SRGAP2C: variants seen among roughly 807,000 people sequenced by gnomAD.
SRGAP2C encodes SLIT-ROBO Rho GTPase-activating protein 2C.
In SRGAP2C, 15 loss-of-function variants were observed where a neutral mutation model predicts 25.1. The observed-to-expected ratio is 0.60, with a 90% CI of 0.40 to 0.92. The LOEUF (loss-of-function observed/expected upper bound fraction) is 0.92. SRGAP2C is among the 40% of genes least tolerant of loss of function. The pLI, the probability that SRGAP2C is intolerant of heterozygous loss-of-function variation, is 0.00. For synonymous variants in SRGAP2C, 44 were observed against 96.6 expected, an observed-to-expected ratio of 0.46 and a Z score of 3.19; for missense variants, 144 against 264.4, an observed-to-expected ratio of 0.54 and a Z score of 3.16.
intron 2 of SRGAP2C, among the ~76,000 whole-genome samples, chr1:121,224,004 G>A (rs587706823): frequency 1.3e-5 from 2 of 152,010 alleles, no homozygotes; most frequent in South Asian, 2.1e-4. Flanking sequence ...AGGCCGCTTG[G>A]CCTCTAAGTC....
chr1:121,208,183 G>A (rs587761019), intron 2 of SRGAP2C, among the ~76,000 whole-genome samples: 1 of 152,322 alleles, frequency 6.6e-6, no homozygotes, highest in Admixed American at 6.5e-5. Context: ...ACAGAAGAAA[G>A]TGGACCATCT....
At chr1:121,370,651 A>AG (rs1659461488) in intron 5 of SRGAP2C, among the ~76,000 whole-genome samples, 1 of 152,026 alleles carries the variant, frequency 6.6e-6, no homozygotes, top group Non-Finnish European at 1.5e-5. Flanking sequence ...TCATTGTGTT[A>AG]ACCAGGATGG....
chr1:121,367,526 A>G (rs1659359575), intron 5 of SRGAP2C, among the ~76,000 whole-genome samples: 1 of 151,968 alleles, frequency 6.6e-6, no homozygotes, highest in African/African-American at 2.4e-5. Flanking sequence ...GACATTGACA[A>G]TCTTCTGACC....
intron 3 of SRGAP2C, among the ~76,000 whole-genome samples, chr1:121,309,225 G>A (rs1266938850): frequency 1.8e-5 from 2 of 108,946 alleles, no homozygotes; most frequent in Non-Finnish European, 3.8e-5. Context: ...CTTCACAAAA[G>A]TCATGTGTGT....
At chr1:121,188,123 G>T (rs1282176504) in intron 2 of SRGAP2C, among the ~76,000 whole-genome samples, 1 of 152,182 alleles carries the variant, frequency 6.6e-6, no homozygotes, top group Non-Finnish European at 1.5e-5. Flanking sequence ...ACCCACACCC[G>T]GTCTCCGCCC....
At chr1:121,354,676 GC>G (rs1659022257) in intron 4 of SRGAP2C, among the ~76,000 whole-genome samples, 1 of 78,934 alleles carries the variant, frequency 1.3e-5, no homozygotes, top group Non-Finnish European at 2.5e-5. Flanking sequence ...AGGATTACAA[GC>G]CTGAGCCACC....
At chr1:121,188,864 T>G (rs1339448125) in intron 2 of SRGAP2C, among the ~76,000 whole-genome samples, 1 of 106,144 alleles carries the variant, frequency 9.4e-6, no homozygotes, top group Non-Finnish European at 1.9e-5. Flanking sequence ...TCCACTTGGC[T>G]GCAAATATTG....
chr1:121,343,611 A>T (rs1553343139), intron 4 of SRGAP2C, among the ~76,000 whole-genome samples: 2 of 106,080 alleles, frequency 1.9e-5, no homozygotes, highest in African/African-American at 8.0e-5. Context: ...TGAATCAGAG[A>T]TCTCTTAGTT....
At chr1:121,366,748 A>G in intron 5 of SRGAP2C, among the ~76,000 whole-genome samples, 1 of 151,622 alleles carries the variant, frequency 6.6e-6, no homozygotes, top group Non-Finnish European at 1.5e-5. Context: ...TAGTCATTGT[A>G]TAAATTCTTT....
At position 121,216,017 on chromosome 1, in the gene SRGAP2C, A is replaced by G. The variant is rs1186152205; in HGVS notation, c.67+28504A>G. 7.2e-5 allele frequency among the ~76,000 whole-genome samples: 11 copies of G among 152,036 alleles called. No individual in the cohort carries two copies. In the East Asian group the frequency reaches 1.6e-3, roughly 21 times the overall value. On this transcript the variant is annotated intron_variant, in intron 2 of 9. Transcript: ENST00000367123. The stretch of plus-strand genomic sequence containing the variant: ...ATGTTGACTCCTTGACCTTACTGCC[A>G]TCTTCTTTCCCCTGCAGGGGCCTCT...
chr1:121,270,005 G>T lies in SRGAP2C; in HGVS notation c.68-14798G>T, dbSNP rs1378533697. On this transcript the variant is annotated intron_variant, in intron 2 of 9. Coordinates refer to ENST00000367123, the MANE Select transcript of SRGAP2C (RefSeq NM_001329984.2). ...TTTTCTAACATTTACATTCCAACTT[G>T]CATGCTCCCATTTTTTGGTCTTGGT... 7.9e-4 allele frequency among the ~76,000 whole-genome samples: 118 copies of T among 149,528 alleles called. 3 individuals carry two copies. The highest frequency in any genetic ancestry group is 2.8e-3 in the African/African-American group (114 of 40,722).
chr1:121,233,145 CTTTTTTTTT>C (rs1196199123), intron 2 of SRGAP2C, among the ~76,000 whole-genome samples: 2 of 118,120 alleles, frequency 1.7e-5, no homozygotes, highest in Admixed American at 8.4e-5. Flanking sequence ...CCCCTTGGTT[CTTTTTTTTT>C]TTTTTTTTTT....
At chr1:121,345,649 CTTTTT>C (rs782110661) in intron 4 of SRGAP2C, among the ~76,000 whole-genome samples, 1 of 95,774 alleles carries the variant, frequency 1.0e-5, no homozygotes, top group African/African-American at 4.2e-5. Flanking sequence ...GGTTGCTCTT[CTTTTT>C]TTTTTTTTTT....
At chr1:121,360,809 G>A (rs1360040362) in intron 4 of SRGAP2C, 5 of 148,748 alleles carry the variant, frequency 3.4e-5, no homozygotes, top group Non-Finnish European at 7.4e-5. Context: ...ACAGGGTCAT[G>A]TTCCTTTCCT....
At chr1:121,197,268 C>T (rs1461054203) in intron 2 of SRGAP2C, among the ~76,000 whole-genome samples, 1 of 152,080 alleles carries the variant, frequency 6.6e-6, no homozygotes, top group Non-Finnish European at 1.5e-5. Context: ...TTCATCAGTA[C>T]GCTCTCAGCA....
intron 2 of SRGAP2C, among the ~76,000 whole-genome samples, chr1:121,224,168 G>A (rs1474170906): frequency 2.2e-5 from 3 of 135,926 alleles, no homozygotes; most frequent in African/African-American, 8.3e-5. Flanking sequence ...GCAGAATTCA[G>A]TGTAATTGAG....
At chr1:121,385,155 G>A (rs1242345207) in intron 8 of SRGAP2C, among the ~76,000 whole-genome samples, 2 of 145,696 alleles carry the variant, frequency 1.4e-5, no homozygotes. Flanking sequence ...TTGAACTAGG[G>A]CCAAAGATTG....
chr1:121,343,592 C>T (rs2101626279), intron 4 of SRGAP2C, among the ~76,000 whole-genome samples: 1 of 96,804 alleles, frequency 1.0e-5, no homozygotes, highest in East Asian at 4.2e-4. Flanking sequence ...AAGCCAGGAT[C>T]CTGCTCTCTG....
intron 2 of SRGAP2C, among the ~76,000 whole-genome samples, chr1:121,271,913 CCCA>C (rs1322222426): frequency 5.5e-5 from 1 of 18,336 alleles, no homozygotes; most frequent in Non-Finnish European, 1.1e-4. Context: ...TGCCTGTAAT[CCCA>C]GCACTTTGGG....
Sources: allele counts gnomAD v4.1 joint callset (sites outside exome capture counted in the v4.1 genomes callset), GRCh38; gene constraint gnomAD v4.1.1; transcripts MANE v1.5; gene names NCBI Gene and HGNC (gene_info 2026-07-23, HGNC 2026-07-21).